The following TNIK variants were observed in gnomAD, a reference collection of about 807,000 sequenced individuals.
TNIK encodes the protein TRAF2 and NCK interacting kinase, also known as TRAF2 and NCK-interacting protein kinase.
Under a neutral mutation model 191.3 loss-of-function variants are expected in TNIK, and 49 were observed. That is an observed-to-expected ratio of 0.26 (90% confidence interval 0.20 to 0.32). The LOEUF (loss-of-function observed/expected upper bound fraction) is 0.32, where lower values mean the gene tolerates loss of function less well. Among genes scored for constraint, TNIK ranks in the 10% least tolerant of loss-of-function variants. The pLI is 1.00. For synonymous variants in TNIK, 594 were observed against 600.9 expected (o/e 0.99, Z 0.17); for missense variants, 1,155 against 1,702.3 (o/e 0.68, Z 5.66).
At chr3:171,182,612 G>A (rs1282465190) in intron 7 of TNIK, among the ~76,000 whole-genome samples, 11 of 152,288 alleles carry the variant, frequency 7.2e-5, no homozygotes, top group Admixed American at 5.9e-4. Flanking sequence ...ACAAATTCTA[G>A]TGCCTTTGGG....
At chr3:171,406,084 T>C (rs1036089911) in intron 1 of TNIK, among the ~76,000 whole-genome samples, 8 of 152,158 alleles carry the variant, frequency 5.3e-5, no homozygotes, top group African/African-American at 1.2e-4. Context: ...TAAGCATATA[T>C]GGATCTATAA....
chr3:171,350,355 G>C (rs1712941199), intron 2 of TNIK, among the ~76,000 whole-genome samples: 1 of 152,070 alleles, frequency 6.6e-6, no homozygotes, highest in African/African-American at 2.4e-5. Context: ...CAGGCTGTTT[G>C]ATCCAGGATT....
intron 18 of TNIK, among the ~76,000 whole-genome samples, chr3:171,116,615 G>A (rs925044551): frequency 3.3e-5 from 5 of 152,174 alleles, no homozygotes; most frequent in Non-Finnish European, 5.9e-5. Context: ...CCAATGAGAA[G>A]AAATGAGTCA....
intron 7 of TNIK, among the ~76,000 whole-genome samples, chr3:171,186,345 C>T (rs1046414925): frequency 6.6e-6 from 1 of 152,282 alleles, no homozygotes; most frequent in East Asian, 1.9e-4. Context: ...AATCCCCAAA[C>T]CTTCCACTAT....
chr3:171,114,533 G>A (rs946849005), intron 18 of TNIK, among the ~76,000 whole-genome samples: 7 of 152,180 alleles, frequency 4.6e-5, no homozygotes, highest in African/African-American at 1.7e-4. Context: ...TTGTGGTAAT[G>A]TATCTGTCAA....
chr3:171,074,987 G>A (rs1003258593), intron 28 of TNIK, among the ~76,000 whole-genome samples: 3 of 152,190 alleles, frequency 2.0e-5, no homozygotes, highest in Non-Finnish European at 4.4e-5. Context: ...ATGAAGGGAC[G>A]GCAATGATTA....
chr3:171,344,483 A>G (rs1003424575), intron 2 of TNIK, among the ~76,000 whole-genome samples: 1 of 152,082 alleles, frequency 6.6e-6, no homozygotes, highest in African/African-American at 2.4e-5. Context: ...TATGGGACAG[A>G]TATGTTATGG....
chr3:171,175,763 C>T (rs561012637), intron 8 of TNIK, among the ~76,000 whole-genome samples: 21 of 152,170 alleles, frequency 1.4e-4, no homozygotes, highest in African/African-American at 3.4e-4. Flanking sequence ...TCTTACACGT[C>T]GACAGCTCAT....
intron 2 of TNIK, among the ~76,000 whole-genome samples, chr3:171,252,154 C>T (rs1286897662): frequency 6.6e-6 from 1 of 152,082 alleles, no homozygotes; most frequent in Non-Finnish European, 1.5e-5. Context: ...ATTGTTTCCC[C>T]TCCCCTATAA....
chr3:171,112,478 A>G (rs1200607352), intron 18 of TNIK, among the ~76,000 whole-genome samples: 1 of 152,212 alleles, frequency 6.6e-6, no homozygotes, highest in African/African-American at 2.4e-5. Flanking sequence ...CTCATTGTAA[A>G]AAGTCTTGAA....
chr3:171,341,906 G>T (rs2108403782), intron 2 of TNIK, among the ~76,000 whole-genome samples: 1 of 152,278 alleles, frequency 6.6e-6, no homozygotes, highest in South Asian at 2.1e-4. Context: ...AATGGACCCA[G>T]TGTACAGCAA....
intron 2 of TNIK, among the ~76,000 whole-genome samples, chr3:171,300,351 T>G (rs1036643739): frequency 6.6e-5 from 10 of 152,240 alleles, no homozygotes; most frequent in African/African-American, 2.4e-4. Context: ...CTTGCAAGTT[T>G]ACAGATATCC....
chr3:171,215,930 A>T (rs1566606), intron 3 of TNIK, among the ~76,000 whole-genome samples: 83,207 of 152,038 alleles, frequency 0.55, 23,617 homozygotes, highest in African/African-American at 0.7. Flanking sequence ...CTAGTCAGGA[A>T]GAAGTCTAGA....
intron 5 of TNIK, among the ~76,000 whole-genome samples, 163 bp from the exon 6 acceptor site, chr3:171,190,950 G>T (rs1737994615): frequency 6.6e-6 from 1 of 152,098 alleles, no homozygotes; most frequent in Non-Finnish European, 1.5e-5. Context: ...CTAACTGTAG[G>T]CAATTCATCA....
At chr3:171,436,421 T>C (rs1477980891) in intron 1 of TNIK, among the ~76,000 whole-genome samples, 2 of 152,198 alleles carry the variant, frequency 1.3e-5, no homozygotes, top group Non-Finnish European at 2.9e-5. Flanking sequence ...ATACTTAACA[T>C]AAAATATGTC....
intron 26 of TNIK, chr3:171,082,656 C>T: frequency 2.7e-6 from 1 of 370,068 alleles, no homozygotes; most frequent in Non-Finnish European, 4.8e-6. Flanking sequence ...GAGTCCTTGT[C>T]AATAGGAGCC....
intron 23 of TNIK, among the ~76,000 whole-genome samples, chr3:171,092,421 A>G (rs1386550045): frequency 6.6e-6 from 1 of 152,210 alleles, no homozygotes; most frequent in Non-Finnish European, 1.5e-5. Flanking sequence ...CACATTAGAA[A>G]TCGGAGTCCT....
At chr3:171,127,537 T>C (rs1428600690) in intron 16 of TNIK, among the ~76,000 whole-genome samples, 1 of 152,190 alleles carries the variant, frequency 6.6e-6, no homozygotes, top group African/African-American at 2.4e-5. Flanking sequence ...ACTCTGGTTG[T>C]TCTCATCAAG....
intron 2 of TNIK, among the ~76,000 whole-genome samples, chr3:171,353,347 A>C (rs1186001246): frequency 6.6e-6 from 1 of 152,178 alleles, no homozygotes; most frequent in African/African-American, 2.4e-5. Context: ...ACCTAGGGTA[A>C]GTTAAATTTT....
Sources: allele counts gnomAD v4.1 joint callset (sites outside exome capture counted in the v4.1 genomes callset), GRCh38; gene constraint gnomAD v4.1.1; transcripts MANE v1.5; gene names NCBI Gene and HGNC (gene_info 2026-07-23, HGNC 2026-07-21).